STAU2: variants seen among roughly 807,000 people sequenced by gnomAD.
STAU2 encodes the protein staufen double-stranded RNA binding protein 2.
STAU2 carries 20 observed loss-of-function variants against 65.9 expected under a neutral mutation model. That is an observed-to-expected ratio of 0.30 (90% confidence interval 0.21 to 0.44). The LOEUF (loss-of-function observed/expected upper bound fraction) is 0.44. STAU2 is among the 20% of genes least tolerant of loss of function. The pLI, the probability that STAU2 is intolerant of heterozygous loss-of-function variation, is 1.00. For synonymous variants in STAU2, 232 were observed against 233.9 expected (o/e 0.99, Z 0.07); for missense variants, 558 against 683.9 (o/e 0.82, Z 2.05).
At chr8:73,464,533 T>C (rs1354786467) in intron 13 of STAU2, among the ~76,000 whole-genome samples, 1 of 152,146 alleles carries the variant, frequency 6.6e-6, no homozygotes, top group Admixed American at 6.5e-5. Context: ...CAATGCAACA[T>C]TTGTTCACAG....
intron 6 of STAU2, among the ~76,000 whole-genome samples, chr8:73,638,140 A>G (rs1814686356): frequency 1.3e-5 from 2 of 152,166 alleles, no homozygotes. Context: ...CAGGGGCAAA[A>G]TTGGGTAACT....
intron 6 of STAU2, among the ~76,000 whole-genome samples, chr8:73,661,171 C>T (rs1816802429): frequency 6.6e-6 from 1 of 152,012 alleles, no homozygotes; most frequent in Non-Finnish European, 1.5e-5. Flanking sequence ...ACTATGATTC[C>T]AACTCCAGAG....
intron 13 of STAU2, among the ~76,000 whole-genome samples, chr8:73,444,708 C>T (rs1818373249): frequency 6.6e-6 from 1 of 152,232 alleles, no homozygotes; most frequent in African/African-American, 2.4e-5. Context: ...GGAGTTGATG[C>T]TCCATTTGTA....
At chr8:73,579,254 C>T (rs1351744619) in intron 12 of STAU2, among the ~76,000 whole-genome samples, 7 of 152,162 alleles carry the variant, frequency 4.6e-5, no homozygotes, top group Admixed American at 4.6e-4. Context: ...CCTACAAGTG[C>T]CAGCATATTT....
chr8:73,469,805 G>A (rs775805729), intron 13 of STAU2, among the ~76,000 whole-genome samples: 1 of 152,184 alleles, frequency 6.6e-6, no homozygotes, highest in African/African-American at 2.4e-5. Flanking sequence ...TTAGAGCGAG[G>A]TTGTTTGACA....
At chr8:73,542,956 T>C (rs1194757386) in intron 13 of STAU2, among the ~76,000 whole-genome samples, 1 of 152,206 alleles carries the variant, frequency 6.6e-6, no homozygotes, top group Admixed American at 6.5e-5. Flanking sequence ...TGGAAACATA[T>C]GTCTGCACAA....
At chr8:73,693,139 C>T (rs529912943) in intron 4 of STAU2, among the ~76,000 whole-genome samples, 1 of 151,744 alleles carries the variant, frequency 6.6e-6, no homozygotes, top group South Asian at 2.1e-4. Context: ...CCAGCCTAGG[C>T]AACACAGCAA....
chr8:73,658,946 A>C (rs6987957), intron 6 of STAU2, among the ~76,000 whole-genome samples: 6,360 of 69,272 alleles, frequency 0.092, 410 homozygotes, highest in African/African-American at 0.23. Flanking sequence ...AAAACAACAA[A>C]AAAAAAAAAC....
chr8:73,430,398 G>A (rs1817176457), intron 13 of STAU2, among the ~76,000 whole-genome samples: 1 of 152,236 alleles, frequency 6.6e-6, no homozygotes, highest in Non-Finnish European at 1.5e-5. Flanking sequence ...CCCTCAGAGC[G>A]GCTGCCTCCC....
intron 13 of STAU2, among the ~76,000 whole-genome samples, chr8:73,430,242 A>G (rs770153698): frequency 9.2e-5 from 14 of 152,172 alleles, no homozygotes; most frequent in Non-Finnish European, 1.9e-4. Context: ...GAGAAGAGGC[A>G]CTGGGATTGC....
At chr8:73,609,185 T>A (rs1303965196) in intron 9 of STAU2, among the ~76,000 whole-genome samples, 4 of 151,958 alleles carry the variant, frequency 2.6e-5, no homozygotes, top group African/African-American at 4.8e-5. Flanking sequence ...GAATCATCTA[T>A]TTAAAGATGA....
chr8:73,622,376 C>T (rs1813328609), intron 6 of STAU2, among the ~76,000 whole-genome samples: 1 of 152,108 alleles, frequency 6.6e-6, no homozygotes, highest in Admixed American at 6.5e-5. Flanking sequence ...CCGCCCGCCT[C>T]GGCCTCTCAA....
chr8:73,464,676 G>A (rs1819555067), intron 13 of STAU2, among the ~76,000 whole-genome samples: 1 of 152,056 alleles, frequency 6.6e-6, no homozygotes, highest in South Asian at 2.1e-4. Context: ...AGGGTTTCAG[G>A]AAATGCAAGG....
At chr8:73,692,013 A>T (rs1013759847) in intron 4 of STAU2, among the ~76,000 whole-genome samples, 4 of 152,124 alleles carry the variant, frequency 2.6e-5, no homozygotes, top group African/African-American at 9.7e-5. Context: ...CGGAGGAAAG[A>T]GGGGCTGGAG....
At chr8:73,644,366 G>T (rs1479001459) in intron 6 of STAU2, among the ~76,000 whole-genome samples, 1 of 151,844 alleles carries the variant, frequency 6.6e-6, no homozygotes, top group Admixed American at 6.6e-5. Flanking sequence ...GATCACTTGA[G>T]CCCAGGAGTT....
chr8:73,683,306 T>C (rs555100381), intron 5 of STAU2, among the ~76,000 whole-genome samples: 2 of 152,260 alleles, frequency 1.3e-5, no homozygotes, highest in South Asian at 4.1e-4. Context: ...AGGGATAGTT[T>C]AACGTCCACA....
chr8:73,636,362 G>A (rs531615649), intron 6 of STAU2, among the ~76,000 whole-genome samples: 2 of 151,200 alleles, frequency 1.3e-5, no homozygotes, highest in East Asian at 4.0e-4. Flanking sequence ...GGGTGACAGA[G>A]TGAGGGCCTG....
chr8:73,554,541 T>C (rs1807577945), intron 12 of STAU2, among the ~76,000 whole-genome samples: 1 of 152,184 alleles, frequency 6.6e-6, no homozygotes, highest in South Asian at 2.1e-4. Flanking sequence ...TGTATGGCCC[T>C]GCACTGTGAG....
chr8:73,715,922 CT>C (rs945006935), intron 3 of STAU2, among the ~76,000 whole-genome samples: 25 of 148,716 alleles, frequency 1.7e-4, no homozygotes, highest in South Asian at 2.1e-4. Context: ...TATTTATCTT[CT>C]TTTTTTTTTG....
Sources: gnomAD v4.1 joint callset for allele counts (sites outside exome capture counted in the v4.1 genomes callset) on GRCh38, gnomAD v4.1.1 for gene constraint, MANE v1.5 for transcripts, NCBI Gene and HGNC (gene_info 2026-07-23, HGNC 2026-07-21) for gene names.